MTFR1: variants seen among roughly 807,000 people sequenced by gnomAD.
MTFR1 encodes the protein mitochondrial fission regulator 1.
In MTFR1, 28 loss-of-function variants were observed where a neutral mutation model predicts 38.8. That is an observed-to-expected ratio of 0.72 (90% confidence interval 0.53 to 0.99). MTFR1 has a LOEUF of 0.99. MTFR1 is among the 50% of genes least tolerant of loss of function. MTFR1 has a pLI of 0.00. For missense variants in MTFR1, 358 were observed against 395.5 expected, an observed-to-expected ratio of 0.91 and a Z score of 0.81; for synonymous variants, 145 against 137.0, an observed-to-expected ratio of 1.06 and a Z score of -0.41.
chr8:65,722,212 C>T (rs1475105516), intron 3 of MTFR1: 1 of 152,244 alleles, frequency 6.6e-6, no homozygotes, highest in Non-Finnish European at 1.5e-5. Context: ...ATCTGCTACT[C>T]TCAGCATTCC....
downstream of MTFR1, among the ~76,000 whole-genome samples, chr8:65,713,378 T>C (rs1806007131): frequency 6.7e-6 from 1 of 149,308 alleles, no homozygotes; most frequent in Admixed American, 6.7e-5. Context: ...AAGGTGGAGG[T>C]TGCAGTGAGC....
intron 4 of MTFR1, among the ~76,000 whole-genome samples, chr8:65,699,031 C>T (rs1805535234): frequency 6.6e-6 from 1 of 152,122 alleles, no homozygotes; most frequent in Non-Finnish European, 1.5e-5. Flanking sequence ...CCCAGCCGTT[C>T]CCTTCTTTTT....
At chr8:65,746,609 A>G (rs1807688069) in intron 3 of MTFR1, among the ~76,000 whole-genome samples, 1 of 152,162 alleles carries the variant, frequency 6.6e-6, no homozygotes, top group Non-Finnish European at 1.5e-5. Flanking sequence ...AAAAAAACTT[A>G]TATTTTATAT....
chr8:65,701,599 C>T (rs926527420), intron 4 of MTFR1, among the ~76,000 whole-genome samples: 1 of 152,140 alleles, frequency 6.6e-6, no homozygotes, highest in Non-Finnish European at 1.5e-5. Context: ...TTTTCCTTAT[C>T]CTAGGATGCT....
downstream of MTFR1, among the ~76,000 whole-genome samples, chr8:65,712,145 A>C (rs376389478): frequency 3.1e-4 from 47 of 152,350 alleles, no homozygotes; most frequent in African/African-American, 1.0e-3. Context: ...AAGGTGAAAG[A>C]AAGCGTATTC....
chr8:65,765,826 G>A (rs141907196), intron 3 of MTFR1, among the ~76,000 whole-genome samples: 142 of 152,272 alleles, frequency 9.3e-4, no homozygotes, highest in Non-Finnish European at 1.6e-3. Flanking sequence ...TGCATAATGG[G>A]ATTATAATAA....
downstream of MTFR1, among the ~76,000 whole-genome samples, chr8:65,711,000 G>T (rs1219926185): frequency 1.0e-3 from 155 of 151,966 alleles, 6 homozygotes; most frequent in South Asian, 0.029. Context: ...TAGAGAGAGA[G>T]AGAGAGAGAG....
At chr8:65,651,028 T>C (rs999063299) in intron 1 of MTFR1, among the ~76,000 whole-genome samples, 1 of 152,226 alleles carries the variant, frequency 6.6e-6, no homozygotes, top group Admixed American at 6.5e-5. Context: ...ATTGTAGTTT[T>C]GATTTGCATT....
chr8:65,716,191 C>T (rs989066827), intron 2 of MTFR1, among the ~76,000 whole-genome samples: 1 of 150,172 alleles, frequency 6.7e-6, no homozygotes, highest in African/African-American at 2.4e-5. Context: ...GTGATTCCCA[C>T]ATATACATAA....
At chr8:65,766,334 A>G (rs1808782706) in intron 3 of MTFR1, among the ~76,000 whole-genome samples, 1 of 152,272 alleles carries the variant, frequency 6.6e-6, no homozygotes. Flanking sequence ...CAAGAGACCA[A>G]GTATATGGCT....
intron 3 of MTFR1, chr8:65,739,714 T>C (rs1365620084): frequency 2.7e-6 from 3 of 1,110,036 alleles, no homozygotes; most frequent in Non-Finnish European, 3.5e-6. Context: ...TTCCCACTTT[T>C]TGTCTATCAA....
chr8:65,773,019 T>C (rs1233517432), downstream of MTFR1, among the ~76,000 whole-genome samples: 2 of 151,352 alleles, frequency 1.3e-5, no homozygotes, highest in Non-Finnish European at 3.0e-5. Context: ...AAAAAAAAAA[T>C]TAAGAAAAAG....
At chr8:65,645,030 G>A (rs73239047) in intron 1 of MTFR1, among the ~76,000 whole-genome samples, 24,438 of 152,190 alleles carry the variant, frequency 0.16, 2,055 homozygotes, top group Middle Eastern at 0.18. Flanking sequence ...GAAGTCGGCT[G>A]ACTTGCCCTG....
At chr8:65,741,672 T>C (rs1344282465) in intron 3 of MTFR1, among the ~76,000 whole-genome samples, 1 of 152,250 alleles carries the variant, frequency 6.6e-6, no homozygotes, top group East Asian at 1.9e-4. Flanking sequence ...GTCCATGTGG[T>C]GTGGAGCCAT....
chr8:65,714,279 A>G (rs1474902273), downstream of MTFR1: 1 of 151,600 alleles, frequency 6.6e-6, no homozygotes, highest in Non-Finnish European at 1.5e-5. Flanking sequence ...AAGAGTTTCA[A>G]TATAATCTCT....
upstream of MTFR1, among the ~76,000 whole-genome samples, chr8:65,644,117 A>G (rs1275685492): frequency 3.9e-5 from 6 of 152,244 alleles, no homozygotes; most frequent in African/African-American, 1.4e-4. Context: ...TGTAATAATC[A>G]TATTTTCACG....
In MTFR1 at chr8:65,707,251, G is replaced by A; in HGVS notation, c.759G>A (p.Val253=). Residue 253 remains valine, a synonymous_variant, in exon 6 of 8, where the codon GTG becomes GTA. Coordinates refer to ENST00000262146, the MANE Select transcript of MTFR1 (RefSeq NM_014637.4). ...KEMNSVKLRS[V]KRSEQDVKPK... is the part of the protein sequence containing the mutation. ...TGAACAGTGTAAAACTTCGGTCAGT[G>A]AAGAGGTGAGGATACATTCACCTTC... 1 of 1,613,740 alleles carries A rather than the reference G, an allele frequency of 6.2e-7. No individual in the cohort carries two copies. Among genetic ancestry groups the A allele is most frequent in the Non-Finnish European group, 8.5e-7 (1 of 1,179,860 alleles).
chr8:65,650,462 G>A (rs138438929), intron 1 of MTFR1, among the ~76,000 whole-genome samples: 6,174 of 152,092 alleles, frequency 0.041, 431 homozygotes, highest in African/African-American at 0.14. Flanking sequence ...GTGAGCCACC[G>A]CGCCTAGCCA....
downstream of MTFR1, among the ~76,000 whole-genome samples, chr8:65,715,526 C>T (rs538642189): frequency 3.1e-4 from 47 of 151,618 alleles, 1 homozygote; most frequent in South Asian, 3.1e-3. Context: ...TACAGGAATG[C>T]GCCACCACGC....
Sources: gnomAD v4.1 joint callset for allele counts (sites outside exome capture counted in the v4.1 genomes callset) on GRCh38, gnomAD v4.1.1 for gene constraint, MANE v1.5 for transcripts, NCBI Gene and HGNC (gene_info 2026-07-23, HGNC 2026-07-21) for gene names.